The following SYT1 variants were observed in gnomAD, a reference collection of about 807,000 sequenced individuals.
The protein encoded by SYT1 is synaptotagmin-1.
Under a neutral mutation model 44.8 loss-of-function variants are expected in SYT1, and 8 were observed. The observed-to-expected ratio is 0.18, with a 90% CI of 0.10 to 0.32. The LOEUF (loss-of-function observed/expected upper bound fraction) is 0.32, where lower values mean the gene tolerates loss of function less well. Among genes scored for constraint, SYT1 ranks in the 10% least tolerant of loss-of-function variants. The pLI is 1.00. For synonymous variants in SYT1, 154 were observed against 188.8 expected, an observed-to-expected ratio of 0.82 and a Z score of 1.51; for missense variants, 286 against 509.3, an observed-to-expected ratio of 0.56 and a Z score of 4.22.
chr12:79,301,181 G>A (rs1880133064), intron 8 of SYT1, among the ~76,000 whole-genome samples: 1 of 151,988 alleles, frequency 6.6e-6, no homozygotes, highest in South Asian at 2.1e-4. Flanking sequence ...TGTTTGGTTG[G>A]CTTGTTGGTT....
At chr12:78,885,361 A>AAGGAAGGAAGGG (rs1874685967) in intron 1 of SYT1, among the ~76,000 whole-genome samples, 1 of 147,368 alleles carries the variant, frequency 6.8e-6, no homozygotes, top group Non-Finnish European at 1.5e-5. Context: ...GGAACGAAGG[A>AAGGAAGGAAGGG]AGGAAGGAAG....
chr12:79,134,118 G>T (rs1869030802), intron 3 of SYT1, among the ~76,000 whole-genome samples: 1 of 152,160 alleles, frequency 6.6e-6, no homozygotes. Context: ...GTTACTGGGT[G>T]TCAAACCAAA....
intron 2 of SYT1, among the ~76,000 whole-genome samples, chr12:79,039,586 A>AT (rs1202897281): frequency 6.7e-6 from 1 of 150,212 alleles, no homozygotes; most frequent in East Asian, 2.0e-4. Flanking sequence ...ATTCTACCAC[A>AT]TTTTTTATTT....
intron 9 of SYT1, among the ~76,000 whole-genome samples, chr12:79,412,544 C>T (rs1045982254): frequency 1.3e-5 from 2 of 152,066 alleles, no homozygotes; most frequent in South Asian, 2.1e-4. Flanking sequence ...CTGATGGTTG[C>T]CTGACATTCC....
intron 2 of SYT1, among the ~76,000 whole-genome samples, chr12:79,046,000 AAAG>A (rs1475668500): frequency 1.6e-4 from 24 of 152,304 alleles, no homozygotes; most frequent in East Asian, 1.2e-3. Flanking sequence ...TTTTAATAAA[AAAG>A]AAGTGTCCGT....
intron 2 of SYT1, among the ~76,000 whole-genome samples, chr12:79,013,134 A>G (rs1446456587): frequency 6.6e-6 from 1 of 151,926 alleles, no homozygotes; most frequent in African/African-American, 2.4e-5. Flanking sequence ...CACTATTTCT[A>G]TCTTGTAGAG....
At chr12:79,329,290 G>A (rs1052546781) in intron 8 of SYT1, among the ~76,000 whole-genome samples, 1 of 152,154 alleles carries the variant, frequency 6.6e-6, no homozygotes, top group Non-Finnish European at 1.5e-5. Context: ...CACTCCATGT[G>A]CTCTTCTGTG....
At chr12:79,123,308 A>AGT (rs763524667) in intron 3 of SYT1, among the ~76,000 whole-genome samples, 19 of 96,482 alleles carry the variant, frequency 2.0e-4, no homozygotes, top group South Asian at 7.9e-4. Context: ...CTAAAAATGC[A>AGT]ATGTGTGTGT....
chr12:78,905,925 T>G (rs571918271), intron 1 of SYT1, among the ~76,000 whole-genome samples: 1 of 152,212 alleles, frequency 6.6e-6, no homozygotes, highest in South Asian at 2.1e-4. Context: ...GGGCTTCTCA[T>G]ATTTCATAAA....
chr12:79,030,134 T>C (rs1342591707), intron 2 of SYT1, among the ~76,000 whole-genome samples: 1 of 151,208 alleles, frequency 6.6e-6, no homozygotes, highest in Non-Finnish European at 1.5e-5. Flanking sequence ...TTTATTCAAG[T>C]ACTGTGACAC....
At chr12:79,068,662 T>C (rs1379766398) in intron 3 of SYT1, among the ~76,000 whole-genome samples, 3 of 152,152 alleles carry the variant, frequency 2.0e-5, no homozygotes. Flanking sequence ...TTCCTCCTAC[T>C]CTATTCCAAA....
chr12:79,122,369 C>CCGGGCGTGGTAG (rs1868284811), intron 3 of SYT1, among the ~76,000 whole-genome samples: 1 of 150,078 alleles, frequency 6.7e-6, no homozygotes, highest in African/African-American at 2.5e-5. Flanking sequence ...AAAAAATTAG[C>CCGGGCGTGGTAG]CGGGCGTGGT....
intron 8 of SYT1, among the ~76,000 whole-genome samples, chr12:79,346,083 A>C (rs923497533): frequency 6.6e-6 from 1 of 152,238 alleles, no homozygotes; most frequent in African/African-American, 2.4e-5. Context: ...TGTTTCCATC[A>C]AATGTATGAA....
chr12:79,073,928 T>A (rs549647198), intron 3 of SYT1, among the ~76,000 whole-genome samples: 1 of 152,292 alleles, frequency 6.6e-6, no homozygotes, highest in South Asian at 2.1e-4. Context: ...AGCAACTTAA[T>A]TCAGGCCTTA....
intron 4 of SYT1, among the ~76,000 whole-genome samples, chr12:79,269,797 G>T (rs1024319164): frequency 1.6e-4 from 25 of 152,058 alleles, no homozygotes; most frequent in African/African-American, 6.0e-4. Context: ...ATTCAAAAAA[G>T]GTTTAGAACT....
At chr12:78,921,275 T>C (rs1205144376) in intron 1 of SYT1, among the ~76,000 whole-genome samples, 2 of 151,986 alleles carry the variant, frequency 1.3e-5, no homozygotes, top group African/African-American at 2.4e-5. Context: ...TTCCTCACTT[T>C]ACGACTATAA....
At chr12:79,115,396 G>A (rs1879222250) in intron 3 of SYT1, among the ~76,000 whole-genome samples, 1 of 152,042 alleles carries the variant, frequency 6.6e-6, no homozygotes, top group Admixed American at 6.6e-5. Context: ...ATGTTCATAT[G>A]CAGCTAAATT....
intron 3 of SYT1, among the ~76,000 whole-genome samples, chr12:79,115,827 C>CA (rs1879246770): frequency 6.6e-6 from 1 of 152,148 alleles, no homozygotes; most frequent in African/African-American, 2.4e-5. Context: ...GGCTCCATTC[C>CA]AGGGCATGCC....
At chr12:79,379,971 A>G (rs1186598148) in intron 9 of SYT1, among the ~76,000 whole-genome samples, 1 of 152,140 alleles carries the variant, frequency 6.6e-6, no homozygotes, top group Non-Finnish European at 1.5e-5. Flanking sequence ...CAATCATCTA[A>G]CCCAGGCCTT....
Sources: allele counts gnomAD v4.1 joint callset (sites outside exome capture counted in the v4.1 genomes callset), GRCh38; gene constraint gnomAD v4.1.1; transcripts MANE v1.5; gene names NCBI Gene and HGNC (gene_info 2026-07-23, HGNC 2026-07-21).